SHANK2: variants seen among roughly 807,000 people sequenced by gnomAD.
SHANK2 encodes the protein SH3 and multiple ankyrin repeat domains 2.
SHANK2 carries 43 observed loss-of-function variants against 133.7 expected under a neutral mutation model. The observed-to-expected ratio is 0.32, with a 90% CI of 0.25 to 0.41. The LOEUF (loss-of-function observed/expected upper bound fraction) is 0.41, where lower values mean the gene tolerates loss of function less well. SHANK2 is among the 10% of genes least tolerant of loss of function. The pLI, the probability that SHANK2 is intolerant of heterozygous loss-of-function variation, is 1.00. For missense variants in SHANK2, 1,994 were observed against 2,235.8 expected (o/e 0.89, Z 2.18); for synonymous variants, 1,017 against 952.8 (o/e 1.07, Z -1.24).
chr11:71,188,949 C>T lies in SHANK2; in HGVS notation c.-13+35748G>A, dbSNP rs560692685. Among the ~76,000 whole-genome samples the T allele has an allele frequency of 6.6e-6, 1 of 152,310 alleles. No individual in the cohort carries two copies. The highest frequency in any genetic ancestry group is 1.9e-4 in the East Asian group (1 of 5,182). The stretch of plus-strand genomic sequence containing the variant: ...GCAGGAGCGGGCCCCAGCTCCACGG[C>T]CCCCCACTCCCACCTAGATGGAGTC... On this transcript the variant is annotated intron_variant, in intron 2 of 25. Coordinates refer to ENST00000601538, the MANE Select transcript of SHANK2 (RefSeq NM_012309.5). This position sits in a 1 kb window ranked among gnomAD's most constrained non-coding sequence, Gnocchi z 4.6.
At position 70,807,118 on chromosome 11, in the gene SHANK2, G is replaced by A. The variant is rs1565329989; in HGVS notation, c.1547C>T (p.Pro516Leu). 2.0e-5 allele frequency: 14 copies of A among 717,910 alleles called. No homozygotes were observed. The highest frequency in any genetic ancestry group is 2.9e-5 in the Non-Finnish European group (11 of 385,004). The allele number at this position is 717,910 out of a possible 1,614,324, so 44.5% of individuals were successfully genotyped here. ...NKDSLSAFEY[P>L]GPKRKLYSAV... ...ACTGTAGAGCTTCCGCTTGGGCCCCGGGTACTCGAAGGCCGAGAGTGAGTC... is the reference window on the plus strand; with the variant it reads ...ACTGTAGAGCTTCCGCTTGGGCCCCAGGTACTCGAAGGCCGAGAGTGAGTC... Residue 516 changes from proline to leucine, a missense_variant, in exon 13 of 26, where the codon CCG becomes CTG. Pro to Leu is a moderately conservative substitution (Grantham distance 98). Coordinates refer to ENST00000601538, the MANE Select transcript of SHANK2 (RefSeq NM_012309.5). The surrounding 1 kb of genome is among the most constrained non-coding windows in gnomAD (Gnocchi z 4.8).
At chr11:70,494,608 T>C (rs1237773642) in intron 21 of SHANK2, among the ~76,000 whole-genome samples, 1 of 152,144 alleles carries the variant, frequency 6.6e-6, no homozygotes, top group Admixed American at 6.5e-5. Context: ...ACTTTTAGTC[T>C]TCAAACAAGG....
In SHANK2 at chr11:70,535,857, G is replaced by A. The variant is rs1246368609; in HGVS notation, c.2062-32926C>T. The stretch of plus-strand genomic sequence containing the variant: ...GGAAGCTTGGGAGCCTGAGAAGAAG[G>A]TGTCAGGGCCTGGTAAGCTGTGGGG... On this transcript the variant is annotated intron_variant, in intron 17 of 25. Coordinates refer to ENST00000601538, the MANE Select transcript of SHANK2 (RefSeq NM_012309.5). This position sits in a 1 kb window ranked among gnomAD's most constrained non-coding sequence, Gnocchi z 4.3. 3.3e-5 allele frequency among the ~76,000 whole-genome samples: 5 copies of A among 152,224 alleles called. No homozygotes were observed. The highest frequency in any genetic ancestry group is 2.9e-5 in the Non-Finnish European group (2 of 68,040).
At chr11:70,920,633 A>G (rs1227792231) in intron 10 of SHANK2, among the ~76,000 whole-genome samples, 1 of 152,262 alleles carries the variant, frequency 6.6e-6, no homozygotes, top group Non-Finnish European at 1.5e-5. Flanking sequence ...TCTCTCAAGC[A>G]CAATAGTTTA....
intron 9 of SHANK2, among the ~76,000 whole-genome samples, chr11:71,069,210 T>A (rs1951109637): frequency 6.6e-6 from 1 of 150,612 alleles, no homozygotes; most frequent in Admixed American, 6.6e-5. Context: ...ATCATCACCA[T>A]CACTGTCACC....
intron 3 of SHANK2, among the ~76,000 whole-genome samples, chr11:71,122,992 A>T (rs1555101827): frequency 1.3e-5 from 2 of 152,198 alleles, no homozygotes; most frequent in East Asian, 3.9e-4. Flanking sequence ...GCAAAAAAAC[A>T]GCAGCATCAT....
chr11:70,622,397 C>T (rs962737308), intron 17 of SHANK2, among the ~76,000 whole-genome samples: 5 of 152,126 alleles, frequency 3.3e-5, no homozygotes, highest in South Asian at 2.1e-4. Flanking sequence ...GTGGAACAGC[C>T]GCCAATGGGG....
intron 2 of SHANK2, among the ~76,000 whole-genome samples, chr11:71,215,368 T>G (rs1555119631): frequency 6.6e-6 from 1 of 152,130 alleles, no homozygotes; most frequent in African/African-American, 2.4e-5. Context: ...CACTCTGTCA[T>G]CTCAAGGCTT....
intron 14 of SHANK2, among the ~76,000 whole-genome samples, chr11:70,757,409 C>T (rs1946897996): frequency 1.3e-5 from 2 of 152,370 alleles, no homozygotes; most frequent in South Asian, 4.1e-4. Flanking sequence ...CCCTAGCTGG[C>T]ATCTGGGAGC....
intron 11 of SHANK2, among the ~76,000 whole-genome samples, chr11:70,837,309 G>A (rs1229304598): frequency 1.3e-5 from 2 of 152,034 alleles, no homozygotes; most frequent in African/African-American, 4.8e-5. Context: ...TCACCCACAC[G>A]GGCCCTGTCA....
intron 2 of SHANK2, among the ~76,000 whole-genome samples, chr11:71,177,577 T>G (rs2135533453): frequency 6.6e-6 from 1 of 152,212 alleles, no homozygotes; most frequent in South Asian, 2.1e-4. Flanking sequence ...TAAAATTCTA[T>G]TAATCTAAAA....
intron 10 of SHANK2, among the ~76,000 whole-genome samples, chr11:70,953,280 G>A (rs6592885): frequency 0.21 from 32,084 of 151,702 alleles, 3,630 homozygotes; most frequent in Middle Eastern, 0.31. Context: ...GATCTCCAGA[G>A]GGACAGAACT....
intron 15 of SHANK2, among the ~76,000 whole-genome samples, chr11:70,698,412 T>C (rs571786361): frequency 6.6e-6 from 1 of 152,238 alleles, no homozygotes; most frequent in African/African-American, 2.4e-5. Flanking sequence ...ATCCTTGACA[T>C]TTGCATGCTT....
At chr11:70,752,793 C>G (rs1946782668) in intron 14 of SHANK2, among the ~76,000 whole-genome samples, 1 of 151,648 alleles carries the variant, frequency 6.6e-6, no homozygotes, top group Non-Finnish European at 1.5e-5. Flanking sequence ...CCAGCATAAA[C>G]CTACAACCTA....
chr11:71,229,097 G>C (rs1303944954), intron 1 of SHANK2, among the ~76,000 whole-genome samples: 1 of 152,122 alleles, frequency 6.6e-6, no homozygotes, highest in Non-Finnish European at 1.5e-5. Flanking sequence ...ACTTGATAAA[G>C]AACATCTGCG....
chr11:70,776,945 C>T (rs1947378303), intron 14 of SHANK2, among the ~76,000 whole-genome samples: 1 of 150,880 alleles, frequency 6.6e-6, no homozygotes. Flanking sequence ...AGACATCCAT[C>T]CACCCATTGA....
intron 11 of SHANK2, among the ~76,000 whole-genome samples, chr11:70,867,116 TAAA>T (rs34341953): frequency 1.1e-4 from 15 of 137,892 alleles, no homozygotes; most frequent in Admixed American, 2.2e-4. Flanking sequence ...TCGGTGTATT[TAAA>T]AAAAAAAAAA....
chr11:71,090,256 A>G, intron 8 of SHANK2, among the ~76,000 whole-genome samples: 1 of 62,040 alleles, frequency 1.6e-5, no homozygotes, highest in Admixed American at 1.8e-4. Flanking sequence ...CCAGAGAAAC[A>G]CAACCTCTGT....
At chr11:70,705,658 C>T (rs1276403906) in intron 14 of SHANK2, 1 of 152,210 alleles carries the variant, frequency 6.6e-6, no homozygotes, top group Non-Finnish European at 1.5e-5. Context: ...TGTCTGCTTC[C>T]TTAACCATGG....
Sources: allele counts gnomAD v4.1 joint callset (sites outside exome capture counted in the v4.1 genomes callset), GRCh38; gene constraint gnomAD v4.1.1; non-coding constraint Gnocchi (gnomAD v3.1); transcripts MANE v1.5; gene names NCBI Gene and HGNC (gene_info 2026-07-23, HGNC 2026-07-21).